The following MINAR1 variants were observed in gnomAD, a reference collection of about 807,000 sequenced individuals.
The protein encoded by MINAR1 is membrane integral NOTCH2 associated receptor 1.
MINAR1 carries 40 observed loss-of-function variants against 65.1 expected under a neutral mutation model. That is an observed-to-expected ratio of 0.61 (90% CI 0.48 to 0.80). The LOEUF is 0.80. Among genes scored for constraint, MINAR1 ranks in the 30% least tolerant of loss-of-function variants. The pLI is 0.00. For missense variants in MINAR1, 1,128 were observed against 1,148.0 expected (o/e 0.98, Z 0.25); for synonymous variants, 482 against 449.1 (o/e 1.07, Z -0.93).
At chr15:79,431,113 C>G (rs922589662), upstream of MINAR1, among the ~76,000 whole-genome samples, 2 of 150,446 alleles carry the variant, frequency 1.3e-5, no homozygotes, top group East Asian at 2.0e-4. Flanking sequence ...CCACAGCCCC[C>G]GAGAGGGCTC....
At chr15:79,414,303 TC>T in the MINAR1 span, 1 of 152,248 alleles carries the variant, frequency 6.6e-6, no homozygotes, top group African/African-American at 2.4e-5. Context: ...TAGGTTAAGA[TC>T]CCTGTGCACT....
At chr15:79,434,792 A>G (rs1894547962) in intron 1 of MINAR1, among the ~76,000 whole-genome samples, 1 of 152,254 alleles carries the variant, frequency 6.6e-6, no homozygotes, top group African/African-American at 2.4e-5. Context: ...TAAGACAGGC[A>G]GAGACAGTTG....
upstream of MINAR1, among the ~76,000 whole-genome samples, chr15:79,428,258 C>CACCTTCCTTTCTTCTT (rs1555426386): frequency 2.7e-3 from 267 of 97,404 alleles, no homozygotes; most frequent in Non-Finnish European, 4.2e-3. Context: ...CCCTCCTTCC[C>CACCTTCCTTTCTTCTT]TCCTTCCTTT....
rs759976025 is a variant in MINAR1, at chr15:79,468,841, T to C, written c.*457T>C. 1.7e-5 allele frequency: 3 copies of C among 181,174 alleles called. No individual in the cohort carries two copies. Among genetic ancestry groups the C allele is most frequent in the Middle Eastern group, 2.6e-3 (1 of 382 alleles). 11.2% of individuals were successfully genotyped at this position (181,174 alleles called of 1,614,324 possible). ...TCTTTTCCATAATGTTCTTAGACCA[T>C]TGCTGGTGAAGTAACAGGGTGTGTG... On this transcript the variant is annotated 3_prime_UTR_variant, in exon 4 of 4. Transcript: ENST00000305428.
chr15:79,435,417 TTC>T (rs1894569804), intron 1 of MINAR1, among the ~76,000 whole-genome samples: 1 of 152,360 alleles, frequency 6.6e-6, no homozygotes, highest in East Asian at 1.9e-4. Context: ...CACTGGAAGC[TTC>T]TCTCTGCAAT....
chr15:79,431,491 ATGAG>A (rs766842344), upstream of MINAR1, among the ~76,000 whole-genome samples: 2 of 134,596 alleles, frequency 1.5e-5, no homozygotes, highest in Non-Finnish European at 3.1e-5. Context: ...GGGTGTGTGA[ATGAG>A]TGAGTATGTG....
At chr15:79,431,943 G>A (rs372065659), upstream of MINAR1, among the ~76,000 whole-genome samples, 7 of 152,286 alleles carry the variant, frequency 4.6e-5, no homozygotes, top group East Asian at 1.4e-3. Flanking sequence ...TTGGCGCGAC[G>A]CCGCGCCCCT....
At chr15:79,466,272 C>T (rs1443136806) in intron 3 of MINAR1, among the ~76,000 whole-genome samples, 1 of 152,192 alleles carries the variant, frequency 6.6e-6, no homozygotes, top group Non-Finnish European at 1.5e-5. Flanking sequence ...ATCCCCTTCT[C>T]TTTCCATTGT....
Position 79,456,909 on chromosome 15 carries a change from C to A in MINAR1, c.762C>A (p.Val254=), listed in dbSNP as rs1895441720. ...AGCCATTTGTGGTCCAGTCCTGTGT[C>A]CAGAAAAGGAATATCTTCAAAGAGG... ...NEEPFVVQSC[V]QKRNIFKEDF... is the part of the protein sequence containing the mutation. The change falls in exon 2 of 4, where the codon GTC becomes GTA. Residue 254 remains valine (V), a synonymous_variant. Transcript: ENST00000305428. 1 of 1,614,108 alleles carries A rather than the reference C, an allele frequency of 6.2e-7. No homozygotes were observed. Among genetic ancestry groups the A allele is most frequent in the Non-Finnish European group, 8.5e-7 (1 of 1,180,028 alleles).
At chr15:79,424,458 G>A in the MINAR1 span, 4 of 152,344 alleles carry the variant, frequency 2.6e-5, no homozygotes, top group Non-Finnish European at 4.4e-5. Context: ...GAACGACGTG[G>A]TGAAGTCATT....
the MINAR1 span, chr15:79,414,072 A>G: frequency 6.6e-6 from 1 of 152,200 alleles, no homozygotes. Context: ...GGCTACTGAT[A>G]CACCCATTCC....
At chr15:79,426,763 C>G in the MINAR1 span, 1 of 152,190 alleles carries the variant, frequency 6.6e-6, no homozygotes, top group Admixed American at 6.5e-5. Context: ...ATGCTCTGAA[C>G]TCCAGGCCGT....
At chr15:79,425,364 G>T in the MINAR1 span, 1 of 152,142 alleles carries the variant, frequency 6.6e-6, no homozygotes, top group Non-Finnish European at 1.5e-5. Context: ...GTATATAACT[G>T]TCATCCCATT....
intron 1 of MINAR1, among the ~76,000 whole-genome samples, chr15:79,451,435 C>A (rs1035744925): frequency 6.6e-6 from 1 of 152,060 alleles, no homozygotes; most frequent in African/African-American, 2.4e-5. Flanking sequence ...CAGGAGCCGG[C>A]GTGGGTGAGC....
In MINAR1 at chr15:79,458,195, G is replaced by C; in HGVS notation, c.2048G>C (p.Cys683Ser). The change falls in exon 2 of 4, where the codon TGC becomes TCC. Residue 683 changes from cysteine (C) to serine (S), a missense_variant. Cys to Ser is a moderately radical substitution (Grantham distance 112). Coordinates refer to ENST00000305428, the MANE Select transcript of MINAR1 (RefSeq NM_015206.3). Reference protein sequence around the residue: ...PKLENNPDWCCSDASGSNSES... With the variant: ...PKLENNPDWCSSDASGSNSES... ...CTAGAGAACAACCCTGACTGGTGCT[G>C]CTCTGATGCTAGCGGGAGCAACAGT... The C allele has an allele frequency of 6.2e-7, 1 of 1,614,152 alleles. No individual in the cohort carries two copies. Among genetic ancestry groups the C allele is most frequent in the Non-Finnish European group, 8.5e-7 (1 of 1,180,036 alleles).
At chr15:79,420,002 ACAAAC>A in the MINAR1 span, 1 of 152,342 alleles carries the variant, frequency 6.6e-6, no homozygotes, top group Admixed American at 6.5e-5. Flanking sequence ...GAATTAAAAA[ACAAAC>A]CAACAAACAA....
At chr15:79,411,681 G>C in the MINAR1 span, 13 of 559,606 alleles carry the variant, frequency 2.3e-5, no homozygotes, top group Admixed American at 1.5e-4. Flanking sequence ...CTCACCACAG[G>C]CCTCTGGAAT....
rs769129988 is a variant in MINAR1, at chr15:79,468,293, C to G, written c.2660C>G (p.Ala887Gly). Residue 887 changes from alanine (A) to glycine (G), a missense_variant, in exon 4 of 4, where the codon GCC becomes GGC. By Grantham distance (60) the Ala-to-Gly change is moderately conservative. Transcript: ENST00000305428. ...LKRKEAEFRRAKVCKIAALIA... is the reference protein window; with the variant it reads ...LKRKEAEFRRGKVCKIAALIA... ...CGTAAAGAAGCCGAATTCAGACGAG[C>G]CAAGGTCTGCAAGATAGCTGCTCTG... is the stretch of plus-strand genomic sequence containing the variant. 9.9e-6 allele frequency: 16 copies of G among 1,614,126 alleles called. 1 individual carries two copies. The highest frequency in any genetic ancestry group is 8.5e-7 in the Non-Finnish European group (1 of 1,180,016).
In MINAR1 at chr15:79,458,368, C is replaced by A. The variant is rs766575910; in HGVS notation, c.2221C>A (p.Arg741Ser). ...RDWRTITYTN[R>S]VGLNEEEIKD... is the part of the protein sequence containing the mutation. ...CTGGCGCACCATCACTTATACCAACCGTGTGGGCCTCAATGAGGAGGAGAT... is the reference window on the plus strand; with the variant it reads ...CTGGCGCACCATCACTTATACCAACAGTGTGGGCCTCAATGAGGAGGAGAT... The change falls in exon 2 of 4, where the codon CGT (arginine) becomes AGT (serine). Residue 741 changes from arginine (R) to serine (S), a missense_variant. Physicochemically the swap from Arg to Ser is moderately radical, Grantham distance 110. Coordinates refer to ENST00000305428, the MANE Select transcript of MINAR1 (RefSeq NM_015206.3). The A allele has an allele frequency of 2.5e-6, 4 of 1,614,060 alleles. No homozygotes were observed. The highest frequency in any genetic ancestry group is 3.3e-5 in the Admixed American group (2 of 60,014).
Sources: allele counts gnomAD v4.1 joint callset (sites outside exome capture counted in the v4.1 genomes callset), GRCh38; gene constraint gnomAD v4.1.1; transcripts MANE v1.5; gene names NCBI Gene and HGNC (gene_info 2026-07-23, HGNC 2026-07-21).